Variants in HIPK2 observed in about 807,000 individuals in gnomAD.
The protein encoded by HIPK2 is homeodomain-interacting protein kinase 2.
Under a neutral mutation model 113.7 loss-of-function variants are expected in HIPK2, and 27 were observed. The observed-to-expected ratio is 0.24, with a 90% CI of 0.17 to 0.33. The LOEUF (loss-of-function observed/expected upper bound fraction) is 0.33, where lower values mean the gene tolerates loss of function less well. Ranked by LOEUF, HIPK2 falls within the 10% of genes least tolerant of loss-of-function variation. The pLI is 1.00. For synonymous variants in HIPK2, 631 were observed against 642.2 expected, an observed-to-expected ratio of 0.98 and a Z score of 0.26; for missense variants, 1,257 against 1,588.0, an observed-to-expected ratio of 0.79 and a Z score of 3.54.
intron 1 of HIPK2, among the ~76,000 whole-genome samples, chr7:139,749,226 C>G (rs1197949717): frequency 1.3e-5 from 2 of 152,260 alleles, no homozygotes; most frequent in Admixed American, 6.5e-5. Context: ...TGTCATCATA[C>G]AAATCACTGC....
At chr7:139,763,487 C>T (rs1296827020) in intron 1 of HIPK2, among the ~76,000 whole-genome samples, 1 of 132,126 alleles carries the variant, frequency 7.6e-6, no homozygotes, top group Non-Finnish European at 1.6e-5. Context: ...CCCCCCCACA[C>T]GCCCCTCCCA....
chr7:139,740,875 G>A (rs912755036), intron 1 of HIPK2, among the ~76,000 whole-genome samples: 1 of 152,186 alleles, frequency 6.6e-6, no homozygotes, highest in Non-Finnish European at 1.5e-5. Flanking sequence ...GGCCAGGCGC[G>A]GTGGCTCATG....
chr7:139,704,730 G>A (rs1301077957), intron 2 of HIPK2, among the ~76,000 whole-genome samples: 1 of 152,114 alleles, frequency 6.6e-6, no homozygotes, highest in African/African-American at 2.4e-5. Flanking sequence ...GGTGATACAC[G>A]TGGCTGCAGG....
chr7:139,641,714 A>G (rs1212568421), intron 2 of HIPK2, among the ~76,000 whole-genome samples: 1 of 152,208 alleles, frequency 6.6e-6, no homozygotes, highest in African/African-American at 2.4e-5. Flanking sequence ...GCTGGGACGC[A>G]GGGTTCAGGG....
intron 2 of HIPK2, among the ~76,000 whole-genome samples, chr7:139,676,426 C>A (rs1802496355): frequency 6.6e-6 from 1 of 152,220 alleles, no homozygotes; most frequent in African/African-American, 2.4e-5. Context: ...CTTTCCTCTG[C>A]CCGCCTCACA....
intron 2 of HIPK2, among the ~76,000 whole-genome samples, chr7:139,668,815 G>C (rs1802154461): frequency 6.6e-6 from 1 of 152,196 alleles, no homozygotes; most frequent in Non-Finnish European, 1.5e-5. Context: ...ATTTAGTTGA[G>C]ATAAAATCCA....
intron 2 of HIPK2, among the ~76,000 whole-genome samples, chr7:139,689,846 G>A (rs529061446): frequency 6.6e-6 from 1 of 152,168 alleles, no homozygotes; most frequent in Non-Finnish European, 1.5e-5. Flanking sequence ...GAGTCAGGTG[G>A]TGAGTCAATC....
intron 1 of HIPK2, among the ~76,000 whole-genome samples, chr7:139,773,405 T>C (rs113138188): frequency 2.2e-4 from 33 of 152,342 alleles, no homozygotes; most frequent in African/African-American, 5.8e-4. Flanking sequence ...TCGGTGGTTA[T>C]ATAAAGTCTA....
At chr7:139,578,531 G>C (rs1296104910) in intron 13 of HIPK2, among the ~76,000 whole-genome samples, 2 of 152,216 alleles carry the variant, frequency 1.3e-5, no homozygotes, top group Non-Finnish European at 2.9e-5. Context: ...GAAAGGTAAT[G>C]AGTAACCTCC....
At position 139,686,639 on chromosome 7, in the gene HIPK2, A is replaced by G. The variant is rs373509657; in HGVS notation, c.1103+29293T>C. 6.6e-5 allele frequency among the ~76,000 whole-genome samples: 10 copies of G among 152,178 alleles called. No homozygotes were observed. The East Asian group carries it at 1.5e-3, about 24-fold the overall frequency. ...ATGTGAAGAAGGATGTGTTTGCTTC[A>G]CCTTCTGCCATGATTGTAAGTTTTC... is the stretch of plus-strand genomic sequence containing the variant. On this transcript the variant is annotated intron_variant, in intron 2 of 14. Coordinates refer to ENST00000406875, the MANE Select transcript of HIPK2 (RefSeq NM_022740.5).
chr7:139,583,685 G>A (rs749072410), intron 13 of HIPK2, 132 bp downstream of exon 13: 29 of 1,342,042 alleles, frequency 2.2e-5, no homozygotes, highest in Non-Finnish European at 2.8e-5. Flanking sequence ...TAAAATCCTC[G>A]GTAAGGGTCG....
chr7:139,616,082 G>T (rs757973593), intron 7 of HIPK2, among the ~76,000 whole-genome samples: 3 of 151,970 alleles, frequency 2.0e-5, no homozygotes, highest in Non-Finnish European at 4.4e-5. Context: ...CCAGCCCTTA[G>T]CCCCTGTGGG....
chr7:139,771,780 G>A (rs1361460844), intron 1 of HIPK2, among the ~76,000 whole-genome samples: 1 of 152,166 alleles, frequency 6.6e-6, no homozygotes, highest in African/African-American at 2.4e-5. Context: ...AAGAGAGAAA[G>A]GAGATGCTTT....
intron 13 of HIPK2, among the ~76,000 whole-genome samples, chr7:139,578,289 T>G (rs1019897267): frequency 7.9e-5 from 12 of 152,314 alleles, no homozygotes; most frequent in African/African-American, 2.9e-4. Flanking sequence ...ATTATAGGCA[T>G]GAGCCACCGC....
chr7:139,631,825 T>G lies in HIPK2; in HGVS notation c.1104-100A>C. 1 of 1,411,596 alleles carries G rather than the reference T, an allele frequency of 7.1e-7. No individual in the cohort carries two copies. Among genetic ancestry groups the G allele is most frequent in the Non-Finnish European group, 9.5e-7 (1 of 1,056,312 alleles). 87.4% of individuals were successfully genotyped at this position (1,411,596 alleles called of 1,614,324 possible). ...TCAAACCTGGGGTGCCATTACTGAC[T>G]CCTCCTCTGAAGGGCCTGTGGCTCT... On this transcript the variant is annotated intron_variant, in intron 2 of 14. Transcript: ENST00000406875. The surrounding 1 kb of genome is among the most constrained non-coding windows in gnomAD (Gnocchi z 4.9).
intron 1 of HIPK2, among the ~76,000 whole-genome samples, chr7:139,741,956 T>C (rs1796109260): frequency 1.3e-5 from 2 of 152,204 alleles, no homozygotes; most frequent in South Asian, 4.1e-4. Flanking sequence ...ATTATTATCA[T>C]CCTCACCTTA....
At chr7:139,605,803 C>G (rs113284066) in intron 9 of HIPK2, among the ~76,000 whole-genome samples, 2,741 of 152,296 alleles carry the variant, frequency 0.018, 90 homozygotes, top group African/African-American at 0.062. Flanking sequence ...ACTCTACCAA[C>G]GCTATTAACT....
At chr7:139,767,979 C>A (rs1309333459) in intron 1 of HIPK2, among the ~76,000 whole-genome samples, 2 of 152,246 alleles carry the variant, frequency 1.3e-5, no homozygotes, top group African/African-American at 4.8e-5. Context: ...TCCCTGGGGC[C>A]ATGAGATTCC....
At position 139,714,797 on chromosome 7, in the gene HIPK2, C is replaced by A. The variant is rs767838548; in HGVS notation, c.1103+1135G>T. Among the ~76,000 whole-genome samples, 1 of 152,210 alleles carries A rather than the reference C, an allele frequency of 6.6e-6. No homozygotes were observed. Among genetic ancestry groups the A allele is most frequent in the Non-Finnish European group, 1.5e-5 (1 of 68,032 alleles). ...TTCGGCACCACCCCAAACACACCCC[C>A]AGGCTGGTTCCACAGAGCAGGGTCT... On this transcript the variant is annotated intron_variant, in intron 2 of 14. Coordinates refer to ENST00000406875, the MANE Select transcript of HIPK2 (RefSeq NM_022740.5). This position sits in a 1 kb window ranked among gnomAD's most constrained non-coding sequence, Gnocchi z 4.2.
Sources: allele counts gnomAD v4.1 joint callset (sites outside exome capture counted in the v4.1 genomes callset), GRCh38; gene constraint gnomAD v4.1.1; non-coding constraint Gnocchi (gnomAD v3.1); transcripts MANE v1.5; gene names NCBI Gene and HGNC (gene_info 2026-07-23, HGNC 2026-07-21).